Variants in CHORDC1 observed in about 807,000 individuals in gnomAD.
The protein encoded by CHORDC1 is cysteine and histidine-rich domain-containing protein 1.
In CHORDC1, 25 loss-of-function variants were observed where a neutral mutation model predicts 48.3. The ratio of observed to expected loss-of-function variants is 0.52; its 90% CI spans 0.38 to 0.72. The LOEUF (loss-of-function observed/expected upper bound fraction) is 0.72, where lower values mean the gene tolerates loss of function less well. Among genes scored for constraint, CHORDC1 ranks in the 30% least tolerant of loss-of-function variants. The probability of loss-of-function intolerance (pLI) is 0.00; values close to 1 mark genes in which losing one functional copy is unlikely to be tolerated. For synonymous variants in CHORDC1, 128 were observed against 126.4 expected, an observed-to-expected ratio of 1.01 and a Z score of -0.09; for missense variants, 317 against 388.7, an observed-to-expected ratio of 0.82 and a Z score of 1.55.
At chr11:90,222,063 T>G (rs557098463) in intron 1 of CHORDC1, among the ~76,000 whole-genome samples, 13 of 152,316 alleles carry the variant, frequency 8.5e-5, no homozygotes, top group African/African-American at 3.1e-4. Flanking sequence ...TGAAAACGTG[T>G]TGTCACTTCT....
rs1434340072 is a variant in CHORDC1, at chr11:90,201,255, A to C, written c.*1150T>G. On this transcript the variant is annotated 3_prime_UTR_variant, in exon 11 of 11. Coordinates refer to ENST00000320585, the MANE Select transcript of CHORDC1 (RefSeq NM_012124.3). ...TCTACATAAGTTTAATTTATTCCCA[A>C]ACTTTCTAAGTTCTTCCAGAGTTCT... 1 of 151,902 alleles carries C rather than the reference A, an allele frequency of 6.6e-6. No homozygotes were observed. Among genetic ancestry groups the C allele is most frequent in the African/African-American group, 2.4e-5 (1 of 41,410 alleles). The allele number at this position is 151,902 out of a possible 1,614,324, so 9.4% of individuals were successfully genotyped here.
At position 90,222,925 on chromosome 11, in the gene CHORDC1, G is replaced by A. The variant is rs1460241457; in HGVS notation, c.30C>T (p.Cys10=). 1.2e-6 allele frequency: 2 copies of A among 1,613,966 alleles called. No individual in the cohort carries two copies. The highest frequency in any genetic ancestry group is 1.3e-5 in the African/African-American group (1 of 74,924). ...TGGTCTCAGGATCGAAGCGCTGACC[G>A]CAGCCCCGGTTGTAGCACAGCAAGG... is the stretch of plus-strand genomic sequence containing the variant. MALLCYNRG[C]GQRFDPETNS... Residue 10 remains cysteine, a synonymous_variant, in exon 1 of 11, where the codon TGC becomes TGT. Coordinates refer to ENST00000320585, the MANE Select transcript of CHORDC1 (RefSeq NM_012124.3).
chr11:90,222,459 A>G, intron 1 of CHORDC1: 1 of 364,198 alleles, frequency 2.7e-6, no homozygotes, highest in South Asian at 2.0e-5. Flanking sequence ...CATCCCGGCC[A>G]CCTCTCCCTC....
chr11:90,218,820 G>A (rs966093671), intron 1 of CHORDC1, among the ~76,000 whole-genome samples: 8 of 151,808 alleles, frequency 5.3e-5, no homozygotes, highest in Admixed American at 1.3e-4. Context: ...TCTGCCTGGC[G>A]GCAGCCCTGT....
intron 1 of CHORDC1, among the ~76,000 whole-genome samples, chr11:90,222,310 A>G (rs1858191425): frequency 6.6e-6 from 1 of 152,242 alleles, no homozygotes; most frequent in African/African-American, 2.4e-5. Context: ...ACGTACCACC[A>G]GGATGAACCT....
Position 90,210,594 on chromosome 11 carries a change from T to A in CHORDC1, c.434A>T (p.Glu145Val), listed in dbSNP as rs149068926. The change falls in exon 6 of 11, where the codon GAA becomes GTA. Residue 145 changes from glutamate (E) to valine (V), a missense_variant and splice_region_variant. Coordinates refer to ENST00000320585, the MANE Select transcript of CHORDC1 (RefSeq NM_012124.3). ...LSSGNEENKK[E>V]EDNDEIKIGT... ...AATCTTAATTTCATCATTGTCTTCT[T>A]CTGTAACAAAGAAAAAAAAATCAAA... is the stretch of plus-strand genomic sequence containing the variant. 1.9e-6 allele frequency: 3 copies of A among 1,568,678 alleles called. No individual in the cohort carries two copies. The East Asian group carries it at 6.7e-5, about 35-fold the overall frequency.
intron 4 of CHORDC1, chr11:90,213,222 TC>T: frequency 2.0e-6 from 1 of 494,628 alleles, no homozygotes; most frequent in South Asian, 3.3e-5. Context: ...TTATCTTGGT[TC>T]TATATTATTC....
chr11:90,222,758 A>T, intron 1 of CHORDC1, 133 bp downstream of exon 1: 1 of 827,012 alleles, frequency 1.2e-6, no homozygotes, highest in Admixed American at 2.0e-5. Context: ...CAGCCAAGGG[A>T]GGCCCAGGAG....
Position 90,214,005 on chromosome 11 carries a change from G to A in CHORDC1, c.329+13C>T, listed in dbSNP as rs1480879274. The A allele has an allele frequency of 3.7e-6, 6 of 1,600,556 alleles. No individual in the cohort carries two copies. Among genetic ancestry groups the A allele is most frequent in the African/African-American group, 1.3e-5 (1 of 74,252 alleles). ...TCAAGTGTGACAAAAATATGTAACT[G>A]TATAAAGTATACCTTGGTCTTTTTA... On this transcript the variant is annotated intron_variant, in intron 4 of 10. Transcript: ENST00000320585.
chr11:90,215,303 T>G (rs995856174), intron 2 of CHORDC1, 73 bp from the exon 3 acceptor site: 4 of 959,220 alleles, frequency 4.2e-6, no homozygotes, highest in African/African-American at 3.3e-5. Flanking sequence ...ACACTCTACT[T>G]GCACTTATCT....
chr11:90,212,636 T>A (rs1353503493), intron 4 of CHORDC1: 3 of 152,010 alleles, frequency 2.0e-5, no homozygotes, highest in Non-Finnish European at 4.4e-5. Context: ...AAAACTGATA[T>A]CCTCATAATT....
At chr11:90,209,164 C>T (rs1857787913) in intron 6 of CHORDC1, 1 of 152,248 alleles carries the variant, frequency 6.6e-6, no homozygotes, top group East Asian at 1.9e-4. Flanking sequence ...ACCTCATATA[C>T]ATGTAAATAC....
intron 1 of CHORDC1, 44 bp from the exon 2 acceptor site, chr11:90,218,228 T>C (rs1241451038): frequency 1.4e-6 from 2 of 1,414,960 alleles, no homozygotes; most frequent in Non-Finnish European, 1.9e-6. Context: ...CTCTTTATAA[T>C]GAAGAAAAAT....
In CHORDC1 at chr11:90,202,517, G is replaced by A. The variant is rs1186508425; in HGVS notation, c.887C>T (p.Thr296Ile). Residue 296 changes from threonine (T) to isoleucine (I), a missense_variant, in exon 11 of 11, where the codon ACT (threonine) becomes ATT (isoleucine). Physicochemically the swap from Thr to Ile is moderately conservative, Grantham distance 89. Transcript: ENST00000320585. ...IDVKRSYVTM[T>I]ATKIEITMRK... ...CATAGTGATTTCAATCTTTGTTGCA[G>A]TCATAGTTACATAACTTCGCTTTAC... The A allele has an allele frequency of 6.2e-7, 1 of 1,613,136 alleles. No homozygotes were observed. Among genetic ancestry groups the A allele is most frequent in the African/African-American group, 1.3e-5 (1 of 74,876 alleles).
At position 90,201,443 on chromosome 11, in the gene CHORDC1, C is replaced by T. The variant is rs1445502805; in HGVS notation, c.*962G>A. On this transcript the variant is annotated 3_prime_UTR_variant, in exon 11 of 11. Transcript: ENST00000320585. ...AGCTCTTCATGACTTTAAAAAAAAA[C>T]TCCAAAACAATTAAGCTATTTTTAT... is the stretch of plus-strand genomic sequence containing the variant. The T allele has an allele frequency of 1.3e-5, 2 of 151,698 alleles. No individual in the cohort carries two copies. Among genetic ancestry groups the T allele is most frequent in the Non-Finnish European group, 3.0e-5 (2 of 67,796 alleles). The allele number at this position is 151,698 out of a possible 1,614,324, so 9.4% of individuals were successfully genotyped here. A position where few individuals can be genotyped will look rare whatever the true frequency, so the allele number is the denominator to read the frequency against.
chr11:90,216,277 T>C (rs1308094052), intron 2 of CHORDC1, among the ~76,000 whole-genome samples: 1 of 152,116 alleles, frequency 6.6e-6, no homozygotes, highest in African/African-American at 2.4e-5. Context: ...AGGCCAGCTG[T>C]TCCCAAATGC....
Position 90,204,177 on chromosome 11 carries a change from A to G in CHORDC1, c.670-750T>C, listed in dbSNP as rs141417863. ...ACTCACATTTTTCCCCTTAGCTACTAGCTTAGATACTTAATACTTGATAAC... is the reference window on the plus strand; with the variant it reads ...ACTCACATTTTTCCCCTTAGCTACTGGCTTAGATACTTAATACTTGATAAC... On this transcript the variant is annotated intron_variant, in intron 8 of 10. Coordinates refer to ENST00000320585, the MANE Select transcript of CHORDC1 (RefSeq NM_012124.3). Among the ~76,000 whole-genome samples, 23 of 152,284 alleles carry G rather than the reference A, an allele frequency of 1.5e-4. No homozygotes were observed. The East Asian group carries it at 4.2e-3, about 28-fold the overall frequency.
Position 90,200,696 on chromosome 11 carries a change from T to G in CHORDC1, c.*1709A>C, listed in dbSNP as rs1464833966. On this transcript the variant is annotated 3_prime_UTR_variant, in exon 11 of 11. Coordinates refer to ENST00000320585, the MANE Select transcript of CHORDC1 (RefSeq NM_012124.3). ...AATGTTTTGATCAATGTAACTAATC[T>G]GAGGTTACAATAACTCACTGCTTCA... 6.6e-6 allele frequency among the ~76,000 whole-genome samples: 1 copy of G among 151,954 alleles called. No individual in the cohort carries two copies. The highest frequency in any genetic ancestry group is 1.5e-5 in the Non-Finnish European group (1 of 67,832).
Position 90,200,973 on chromosome 11 carries a change from AGAG to A in CHORDC1, c.*1429_*1431del, listed in dbSNP as rs1423214907. On this transcript the variant is annotated 3_prime_UTR_variant, in exon 11 of 11. Transcript: ENST00000320585. Reference sequence around the variant, plus strand: ...CATGTGGGTCCAACTTTTACTGCCCAGAGTTTCTTGTCATGGTAATGTAACATC... The same window carrying A: ...CATGTGGGTCCAACTTTTACTGCCCATTTCTTGTCATGGTAATGTAACATC... 1.3e-5 allele frequency among the ~76,000 whole-genome samples: 2 copies of A among 152,132 alleles called. No homozygotes were observed. The highest frequency in any genetic ancestry group is 2.9e-5 in the Non-Finnish European group (2 of 67,854).
Sources: allele counts gnomAD v4.1 joint callset (sites outside exome capture counted in the v4.1 genomes callset), GRCh38; gene constraint gnomAD v4.1.1; transcripts MANE v1.5; gene names NCBI Gene and HGNC (gene_info 2026-07-23, HGNC 2026-07-21).